ABCA4: variants seen among roughly 807,000 people sequenced by gnomAD.
ABCA4 encodes the protein ATP binding cassette subfamily A member 4, also known as retinal-specific phospholipid-transporting ATPase ABCA4.
A neutral mutation model predicts 263.7 loss-of-function variants in ABCA4; 196 were observed. The ratio of observed to expected loss-of-function variants is 0.74; its 90% confidence interval spans 0.66 to 0.84. The LOEUF (loss-of-function observed/expected upper bound fraction) is 0.84. ABCA4 is among the 40% of genes least tolerant of loss of function. The probability of loss-of-function intolerance (pLI) is 0.00; values close to 1 mark genes in which losing one functional copy is unlikely to be tolerated. For synonymous variants in ABCA4, 1,133 were observed against 1,094.2 expected (o/e 1.04, Z -0.70); for missense variants, 2,792 against 2,855.1 (o/e 0.98, Z 0.50).
At chr1:94,095,746 C>CA (rs1448549072) in intron 6 of ABCA4, among the ~76,000 whole-genome samples, 1 of 129,684 alleles carries the variant, frequency 7.7e-6, no homozygotes, top group Non-Finnish European at 1.6e-5. Context: ...CAATTTCTTT[C>CA]AGGTTTTTTT....
intron 1 of ABCA4, among the ~76,000 whole-genome samples, chr1:94,114,193 G>C (rs1662685997): frequency 6.6e-6 from 1 of 152,166 alleles, no homozygotes; most frequent in Non-Finnish European, 1.5e-5. Context: ...AGACACCATA[G>C]CAGAGGCTCA....
intron 6 of ABCA4, among the ~76,000 whole-genome samples, chr1:94,097,802 T>C (rs1040870930): frequency 6.6e-6 from 1 of 152,196 alleles, no homozygotes; most frequent in Non-Finnish European, 1.5e-5. Flanking sequence ...CAGGCTGGAG[T>C]GCAGTGGCGC....
At chr1:94,092,291 A>G (rs1661988665) in intron 6 of ABCA4, among the ~76,000 whole-genome samples, 2 of 152,202 alleles carry the variant, frequency 1.3e-5, no homozygotes, top group African/African-American at 4.8e-5. Context: ...AAGCAGTTGA[A>G]GCAGTGGACA....
rs184229754 is a variant in ABCA4 at position 94,098,003 on chromosome 1, C to T, written c.768+791G>A. Among the ~76,000 whole-genome samples, 1,135 of 152,242 alleles carry T rather than the reference C, an allele frequency of 7.5e-3. 18 individuals are homozygous for T. Among genetic ancestry groups the T allele is most frequent in the African/African-American group, 0.025 (1,052 of 41,526 alleles). On this transcript the variant is annotated intron_variant, in intron 6 of 49. Transcript: ENST00000370225. The stretch of plus-strand genomic sequence containing the variant: ...CTATCTCCTGACCTCATGATCCGCC[C>T]GCCTCGGCCTCCCAAAGTGCTGGGA...
chr1:94,044,495 G>A lies in ABCA4; in HGVS notation c.3050+118C>T, dbSNP rs1159622384. The A allele has an allele frequency of 4.7e-6, 7 of 1,480,542 alleles. No homozygotes were observed. In the Admixed American group the frequency reaches 7.0e-5, roughly 15 times the overall value. The allele number at this position is 1,480,542 out of a possible 1,614,324, so 91.7% of individuals were successfully genotyped here. A position where few individuals can be genotyped will look rare whatever the true frequency, so the allele number is the denominator to read the frequency against. On this transcript the variant is annotated intron_variant, in intron 20 of 49. Transcript: ENST00000370225. ...TTTAAACATAGGGGAAACCAAATAAGAGTCTGTATCTCTGCCTGTGCCCAG... is the reference window on the plus strand; with the variant it reads ...TTTAAACATAGGGGAAACCAAATAAAAGTCTGTATCTCTGCCTGTGCCCAG...
chr1:94,076,015 C>T (rs1004725582), intron 11 of ABCA4, among the ~76,000 whole-genome samples: 2 of 152,176 alleles, frequency 1.3e-5, no homozygotes, highest in African/African-American at 4.8e-5. Context: ...AGTGCTGAGT[C>T]TCAAAGAATG....
chr1:94,045,529 G>A (rs772300628), intron 19 of ABCA4, among the ~76,000 whole-genome samples: 29 of 152,250 alleles, frequency 1.9e-4, no homozygotes, highest in Non-Finnish European at 3.4e-4. Context: ...TTGCCTTTGC[G>A]GAGCCCTGGG....
intron 11 of ABCA4, among the ~76,000 whole-genome samples, chr1:94,072,723 C>T (rs986532391): frequency 1.3e-5 from 2 of 152,132 alleles, no homozygotes; most frequent in African/African-American, 2.4e-5. Flanking sequence ...GATTGGAAGG[C>T]CCATGGGAAT....
At chr1:94,044,047 C>CCCCT (rs1197769976) in intron 20 of ABCA4, among the ~76,000 whole-genome samples, 2 of 131,272 alleles carry the variant, frequency 1.5e-5, no homozygotes, top group South Asian at 2.8e-4. Context: ...CCTTCCTTCT[C>CCCCT]CCCTCCCTCC....
In ABCA4 at chr1:94,083,351, C is replaced by A. The variant is rs750954445; in HGVS notation, c.858+1G>T. 1.2e-6 allele frequency: 2 copies of A among 1,600,714 alleles called. No individual in the cohort carries two copies. Among genetic ancestry groups the A allele is most frequent in the South Asian group, 1.1e-5 (1 of 90,798 alleles). Reference sequence around the variant, plus strand: ...ATAATTACTACCATCAGGCTACTCACCTCTTGAATTCTTGGTGACATATCA... The same window carrying A: ...ATAATTACTACCATCAGGCTACTCAACTCTTGAATTCTTGGTGACATATCA... On this transcript the variant is annotated splice_donor_variant, in intron 7 of 49. Transcript: ENST00000370225. LOFTEE classifies it high-confidence loss of function.
At chr1:94,034,553 C>T (rs1660293869) in intron 26 of ABCA4, among the ~76,000 whole-genome samples, 1 of 151,816 alleles carries the variant, frequency 6.6e-6, no homozygotes, top group African/African-American at 2.4e-5. Context: ...ACACTGGAGA[C>T]AAGATCAGAA....
At chr1:94,116,380 A>G (rs1415588279) in intron 1 of ABCA4, among the ~76,000 whole-genome samples, 1 of 152,064 alleles carries the variant, frequency 6.6e-6, no homozygotes, top group Non-Finnish European at 1.5e-5. Flanking sequence ...CAGATCAACT[A>G]CATCAGAATC....
At chr1:94,053,631 A>G (rs1660898094) in intron 16 of ABCA4, among the ~76,000 whole-genome samples, 2 of 152,236 alleles carry the variant, frequency 1.3e-5, no homozygotes, top group Admixed American at 6.5e-5. Flanking sequence ...CAGACGAAGG[A>G]TCAGCAGGAA....
intron 49 of ABCA4, among the ~76,000 whole-genome samples, 182 bp from the exon 50 acceptor site, chr1:93,993,424 A>G (rs889773161): frequency 1.1e-4 from 16 of 152,028 alleles, no homozygotes; most frequent in South Asian, 4.1e-4. Context: ...TATGAAATCT[A>G]TGAATCAGGT....
In ABCA4 at chr1:93,997,841, GTGCCCCAGGGCCAAC is replaced by G. The variant is rs749526785; in HGVS notation, c.6729+5_6729+19del. ...TGGACCAGTCTTTGCTCAGCTCTCG[GTGCCCCAGGGCCAAC>G]TTGCCTGGTCCAGTGTGGTCTGTGT... On this transcript the variant is annotated splice_donor_5th_base_variant and intron_variant, in intron 48 of 49. Transcript: ENST00000370225. The G allele has an allele frequency of 3.5e-5, 57 of 1,613,818 alleles. 1 individual carries two copies. The South Asian group carries it at 6.3e-4, about 18-fold the overall frequency.
chr1:94,038,052 T>C (rs1362232696), intron 24 of ABCA4, among the ~76,000 whole-genome samples: 1 of 152,026 alleles, frequency 6.6e-6, no homozygotes, highest in Admixed American at 6.5e-5. Flanking sequence ...CTACTCTAAC[T>C]TCTCAGAAGA....
intron 6 of ABCA4, among the ~76,000 whole-genome samples, chr1:94,087,501 G>A (rs565067134): frequency 2.0e-5 from 3 of 152,222 alleles, no homozygotes; most frequent in Admixed American, 6.5e-5. Context: ...TCTGGAAATG[G>A]TCTTTTGAAG....
intron 7 of ABCA4, 108 bp downstream of exon 7, chr1:94,083,244 G>T: frequency 2.0e-6 from 2 of 1,011,688 alleles, no homozygotes; most frequent in Non-Finnish European, 3.1e-6. Context: ...AAGATCAAAT[G>T]TACTTTTCCT....
chr1:94,092,840 A>C (rs963759836), intron 6 of ABCA4, among the ~76,000 whole-genome samples: 2 of 152,236 alleles, frequency 1.3e-5, no homozygotes, highest in Non-Finnish European at 2.9e-5. Flanking sequence ...AATGGGGAGC[A>C]AAGGGCCTCT....
Sources: allele counts gnomAD v4.1 joint callset (sites outside exome capture counted in the v4.1 genomes callset), GRCh38; gene constraint gnomAD v4.1.1; transcripts MANE v1.5; gene names NCBI Gene and HGNC (gene_info 2026-07-23, HGNC 2026-07-21).